The following SHC3 variants were observed in gnomAD, a reference collection of about 807,000 sequenced individuals.
SHC3 encodes SHC-transforming protein 3.
In SHC3, 15 loss-of-function variants were observed where a neutral mutation model predicts 60.4. The observed-to-expected ratio is 0.25, with a 90% confidence interval of 0.17 to 0.38. SHC3 has a LOEUF of 0.38. Ranked by LOEUF, SHC3 falls within the 10% of genes least tolerant of loss-of-function variation. The pLI, the probability that SHC3 is intolerant of heterozygous loss-of-function variation, is 1.00. For synonymous variants in SHC3, 294 were observed against 325.9 expected, an observed-to-expected ratio of 0.90 and a Z score of 1.05; for missense variants, 677 against 786.1, an observed-to-expected ratio of 0.86 and a Z score of 1.66.
At chr9:89,141,254 A>G (rs1375596653) in intron 1 of SHC3, among the ~76,000 whole-genome samples, 1 of 152,248 alleles carries the variant, frequency 6.6e-6, no homozygotes, top group South Asian at 2.1e-4. Context: ...TCCCAAGGAC[A>G]TAACTGACCA....
chr9:89,050,253 G>A (rs1484437647), intron 7 of SHC3, among the ~76,000 whole-genome samples: 1 of 152,110 alleles, frequency 6.6e-6, no homozygotes, highest in Non-Finnish European at 1.5e-5. Flanking sequence ...TCCTGGAGTT[G>A]TGTATAGCAT....
chr9:89,099,088 G>A (rs1011809789), intron 2 of SHC3, among the ~76,000 whole-genome samples: 2 of 152,096 alleles, frequency 1.3e-5, no homozygotes, highest in Non-Finnish European at 2.9e-5. Flanking sequence ...AAAATGCACA[G>A]AAACAATGAA....
chr9:89,013,598 G>C (rs1826045812), intron 11 of SHC3, 23 bp from the exon 12 acceptor site: 1 of 1,604,112 alleles, frequency 6.2e-7, no homozygotes, highest in Non-Finnish European at 8.5e-7. Flanking sequence ...CAAAGGAAAG[G>C]TTAAGCACAT....
chr9:89,056,951 A>C (rs1824962520), intron 6 of SHC3, among the ~76,000 whole-genome samples: 2 of 152,232 alleles, frequency 1.3e-5, no homozygotes, highest in Admixed American at 1.3e-4. Flanking sequence ...CATGGGTCCC[A>C]GGTGCTGTCC....
At position 89,018,444 on chromosome 9, in the gene SHC3, G is replaced by A. The variant is rs569244517; in HGVS notation, c.1657-4869C>T. Among the ~76,000 whole-genome samples, 680 of 152,162 alleles carry A rather than the reference G, an allele frequency of 4.5e-3. 3 individuals carry two copies. Among genetic ancestry groups the A allele is most frequent in the Non-Finnish European group, 6.7e-3 (458 of 68,016 alleles). On this transcript the variant is annotated intron_variant, in intron 11 of 11. Coordinates refer to ENST00000375835, the MANE Select transcript of SHC3 (RefSeq NM_016848.6). ...CTCATAAGTGGGAATTGAACAATGA[G>A]AACACATGGACACAGGGAGGGGAAC...
intron 11 of SHC3, 123 bp from the exon 12 acceptor site, chr9:89,013,698 G>A: frequency 7.3e-7 from 1 of 1,372,132 alleles, no homozygotes; most frequent in African/African-American, 1.5e-5. Context: ...GGGACAAGGG[G>A]CTTCCACCAC....
chr9:89,108,271 G>A (rs1825894022), intron 2 of SHC3, among the ~76,000 whole-genome samples: 1 of 152,062 alleles, frequency 6.6e-6, no homozygotes, highest in African/African-American at 2.4e-5. Flanking sequence ...CCAGCACTTT[G>A]GGAGGCTGAG....
intron 1 of SHC3, among the ~76,000 whole-genome samples, chr9:89,130,476 C>T (rs1445259647): frequency 6.6e-6 from 1 of 152,180 alleles, no homozygotes; most frequent in East Asian, 1.9e-4. Context: ...TTCTCAGCAC[C>T]ACATTGCACT....
chr9:89,131,719 C>T (rs373852739), intron 1 of SHC3, among the ~76,000 whole-genome samples: 7 of 151,898 alleles, frequency 4.6e-5, no homozygotes, highest in Non-Finnish European at 1.0e-4. Context: ...CGCTTCATGC[C>T]AAAAACTCTC....
In SHC3 at chr9:89,157,432, C is replaced by A. The variant is rs531522591; in HGVS notation, c.474+20555G>T. On this transcript the variant is annotated intron_variant, in intron 1 of 11. Transcript: ENST00000375835. ...AGACTCTCCCCGGAAGCCTCCAGAACAAATGAGCCCTGCAGATACCCTGAC... is the reference window on the plus strand; with the variant it reads ...AGACTCTCCCCGGAAGCCTCCAGAAAAAATGAGCCCTGCAGATACCCTGAC... Among the ~76,000 whole-genome samples, 31 of 152,356 alleles carry A rather than the reference C, an allele frequency of 2.0e-4. No homozygotes were observed. In the East Asian group the frequency reaches 4.1e-3, roughly 20 times the overall value.
At chr9:89,087,914 T>C (rs939828961) in intron 2 of SHC3, among the ~76,000 whole-genome samples, 7 of 152,242 alleles carry the variant, frequency 4.6e-5, no homozygotes, top group South Asian at 2.1e-4. Context: ...ACATGACAGA[T>C]AGTAGGCCCT....
chr9:89,166,277 C>T (rs186413293), intron 1 of SHC3, among the ~76,000 whole-genome samples: 106 of 152,302 alleles, frequency 7.0e-4, no homozygotes, highest in African/African-American at 2.5e-3. Context: ...TCCGTCTCCC[C>T]AACTGGCACT....
chr9:89,028,695 C>CTATATATAGA (rs1194439681), intron 11 of SHC3, among the ~76,000 whole-genome samples: 15 of 142,182 alleles, frequency 1.1e-4, no homozygotes, highest in African/African-American at 3.7e-4. Flanking sequence ...TAATCTATAT[C>CTATATATAGA]TATATATTCT....
chr9:89,160,097 G>A (rs1027897131), intron 1 of SHC3, among the ~76,000 whole-genome samples: 1 of 152,216 alleles, frequency 6.6e-6, no homozygotes. Flanking sequence ...AACCCTGATT[G>A]AGTGCATTCC....
At chr9:89,061,149 C>A (rs1012911445) in intron 6 of SHC3, among the ~76,000 whole-genome samples, 1 of 152,138 alleles carries the variant, frequency 6.6e-6, no homozygotes, top group Non-Finnish European at 1.5e-5. Flanking sequence ...TGGGAAACAT[C>A]CAACCATCAG....
intron 11 of SHC3, among the ~76,000 whole-genome samples, chr9:89,030,729 T>C (rs1440870343): frequency 6.6e-6 from 1 of 152,224 alleles, no homozygotes; most frequent in Admixed American, 6.5e-5. Context: ...ATAGATGTAG[T>C]CTGCATTTGC....
rs542702909 is a variant in SHC3, at chr9:89,045,273, C to T, written c.1201+473G>A. Among the ~76,000 whole-genome samples the T allele has an allele frequency of 3.5e-4, 51 of 143,822 alleles. 1 individual carries two copies. The East Asian group carries it at 9.8e-3, about 28-fold the overall frequency. 94.4% of individuals were successfully genotyped at this position (143,822 alleles called of 152,430 possible). A position where few individuals can be genotyped will look rare whatever the true frequency, so the allele number is the denominator to read the frequency against. On this transcript the variant is annotated intron_variant, in intron 9 of 11. Coordinates refer to ENST00000375835, the MANE Select transcript of SHC3 (RefSeq NM_016848.6). ...TTGGTGCCAGGAGATGTCTGCAACA[C>T]TGTTGCTTTTTTTTTTTTTTTTTTG...
chr9:89,025,112 A>C (rs944477), intron 11 of SHC3, among the ~76,000 whole-genome samples: 147,546 of 152,208 alleles, frequency 0.97, 71,627 homozygotes, highest in Middle Eastern at 1. Context: ...TCTGCCCCTT[A>C]TAAAGGGTCA....
intron 6 of SHC3, among the ~76,000 whole-genome samples, chr9:89,059,635 G>A (rs1462468199): frequency 2.7e-5 from 4 of 147,602 alleles, no homozygotes; most frequent in Non-Finnish European, 4.5e-5. Flanking sequence ...AGGACGTGGT[G>A]GAGGACGTGA....
Sources: gnomAD v4.1 joint callset for allele counts (sites outside exome capture counted in the v4.1 genomes callset) on GRCh38, gnomAD v4.1.1 for gene constraint, MANE v1.5 for transcripts, NCBI Gene and HGNC (gene_info 2026-07-23, HGNC 2026-07-21) for gene names.